The following PRDM5 variants were observed in gnomAD, a reference collection of about 807,000 sequenced individuals.
The protein encoded by PRDM5 is PR/SET domain 5, also known as PR domain zinc finger protein 5.
Under a neutral mutation model 81.2 loss-of-function variants are expected in PRDM5, and 56 were observed. That is an observed-to-expected ratio of 0.69 (90% CI 0.56 to 0.86). The LOEUF (loss-of-function observed/expected upper bound fraction) is 0.86, where lower values mean the gene tolerates loss of function less well. Among genes scored for constraint, PRDM5 ranks in the 40% least tolerant of loss-of-function variants. PRDM5 has a pLI of 0.00. For synonymous variants in PRDM5, 267 were observed against 256.4 expected, an observed-to-expected ratio of 1.04 and a Z score of -0.39; for missense variants, 697 against 770.1, an observed-to-expected ratio of 0.91 and a Z score of 1.12.
Position 120,742,273 on chromosome 4 carries a change from A to G in PRDM5, c.1623+12280T>C, listed in dbSNP as rs1204082003. Among the ~76,000 whole-genome samples the G allele has an allele frequency of 5.9e-5, 9 of 152,328 alleles. No homozygotes were observed. In the East Asian group the frequency reaches 1.5e-3, roughly 26 times the overall value. ...GAAAGGACATCCACACCAAAAACCC[A>G]TCTGTACATCACCATCATCAAAGAC... is the stretch of plus-strand genomic sequence containing the variant. On this transcript the variant is annotated intron_variant, in intron 14 of 15. Transcript: ENST00000264808.
chr4:120,688,105 C>T (rs138505436), downstream of PRDM5, among the ~76,000 whole-genome samples: 40 of 152,184 alleles, frequency 2.6e-4, no homozygotes, highest in East Asian at 7.1e-3. Context: ...CTATAGTGCA[C>T]AGTGCTTTCC....
intron 15 of PRDM5, 89 bp downstream of exon 15, chr4:120,710,210 CACACACACAG>C: frequency 1.9e-6 from 2 of 1,027,166 alleles, no homozygotes; most frequent in Non-Finnish European, 3.0e-6. Context: ...CAATGCAACA[CACACACACAG>C]ACACACACAC....
At chr4:120,775,443 C>A (rs1009683474) in intron 13 of PRDM5, among the ~76,000 whole-genome samples, 3 of 152,062 alleles carry the variant, frequency 2.0e-5, no homozygotes, top group African/African-American at 7.2e-5. Context: ...ATACAATATC[C>A]TCAAGGATGG....
At chr4:120,892,497 T>C (rs1447899903) in intron 2 of PRDM5, among the ~76,000 whole-genome samples, 1 of 152,166 alleles carries the variant, frequency 6.6e-6, no homozygotes, top group Non-Finnish European at 1.5e-5. Flanking sequence ...ATGTTCCTGG[T>C]GTTGAGTGTT....
At chr4:120,883,436 T>C (rs889832152) in intron 2 of PRDM5, among the ~76,000 whole-genome samples, 3 of 152,172 alleles carry the variant, frequency 2.0e-5, no homozygotes, top group African/African-American at 7.2e-5. Context: ...ACAAAAATTT[T>C]CTGCACTGCT....
intron 14 of PRDM5, among the ~76,000 whole-genome samples, chr4:120,753,705 GA>G (rs551796879): frequency 7.6e-4 from 111 of 146,650 alleles, no homozygotes; most frequent in African/African-American, 2.5e-3. Flanking sequence ...CTTAAAATTT[GA>G]AAAAAAAAAT....
chr4:120,768,063 G>A (rs185373081), intron 13 of PRDM5, among the ~76,000 whole-genome samples: 2 of 152,114 alleles, frequency 1.3e-5, no homozygotes, highest in African/African-American at 4.8e-5. Flanking sequence ...ATAGCAGGGT[G>A]AGAACAGACT....
At chr4:120,832,402 T>C (rs1438161573) in intron 3 of PRDM5, among the ~76,000 whole-genome samples, 2 of 152,120 alleles carry the variant, frequency 1.3e-5, no homozygotes, top group African/African-American at 4.8e-5. Context: ...ACATGAGGAT[T>C]ATGGGAACTA....
chr4:120,779,566 G>A (rs1456784628), intron 12 of PRDM5, among the ~76,000 whole-genome samples: 1 of 152,088 alleles, frequency 6.6e-6, no homozygotes, highest in East Asian at 1.9e-4. Context: ...GAACCCATAT[G>A]CCCTAGATGT....
chr4:120,792,079 C>T (rs1750660255), intron 10 of PRDM5, among the ~76,000 whole-genome samples: 1 of 152,308 alleles, frequency 6.6e-6, no homozygotes, highest in Non-Finnish European at 1.5e-5. Flanking sequence ...CCCACCATCT[C>T]ATCTCTAATC....
chr4:120,698,427 CCTAA>C (rs1734842335), intron 15 of PRDM5, among the ~76,000 whole-genome samples: 1 of 152,188 alleles, frequency 6.6e-6, no homozygotes, highest in South Asian at 2.1e-4. Flanking sequence ...CTTCCTCCAT[CCTAA>C]CTAAGTCAGT....
intron 8 of PRDM5, among the ~76,000 whole-genome samples, chr4:120,805,616 A>G (rs1752798562): frequency 6.6e-6 from 1 of 152,226 alleles, no homozygotes; most frequent in Admixed American, 6.5e-5. Context: ...GATTATCTCA[A>G]TAGATACAGA....
chr4:120,848,807 C>A (rs1194717256), intron 3 of PRDM5, among the ~76,000 whole-genome samples: 2 of 152,126 alleles, frequency 1.3e-5, no homozygotes, highest in African/African-American at 2.4e-5. Flanking sequence ...TAAAAACTCA[C>A]GGGACCAATT....
chr4:120,784,988 C>A lies in PRDM5; in HGVS notation c.1282+10G>T. 1 of 1,570,912 alleles carries A rather than the reference C, an allele frequency of 6.4e-7. No homozygotes were observed. Among genetic ancestry groups the A allele is most frequent in the Non-Finnish European group, 8.8e-7 (1 of 1,140,972 alleles). ...TCCTTATATTCTCAACTGCCTGAAT[C>A]GTGACTTACTGTTATGTATTAGCAG... On this transcript the variant is annotated intron_variant, in intron 11 of 15. Coordinates refer to ENST00000264808, the MANE Select transcript of PRDM5 (RefSeq NM_018699.4).
intron 15 of PRDM5, among the ~76,000 whole-genome samples, chr4:120,704,435 T>C (rs1735816254): frequency 6.6e-6 from 1 of 152,222 alleles, no homozygotes; most frequent in African/African-American, 2.4e-5. Flanking sequence ...ACTTTCACCC[T>C]ACTCCAACTT....
intron 1 of PRDM5, among the ~76,000 whole-genome samples, chr4:120,910,066 GC>G (rs899150079): frequency 7.7e-5 from 2 of 25,990 alleles, no homozygotes; most frequent in African/African-American, 2.5e-4. Context: ...TATTTCATAT[GC>G]TTTAAAAAAA....
At chr4:120,785,257 C>T (rs563924547) in intron 10 of PRDM5, among the ~76,000 whole-genome samples, 166 bp from the exon 11 acceptor site, 6 of 152,162 alleles carry the variant, frequency 3.9e-5, no homozygotes, top group African/African-American at 4.8e-5. Flanking sequence ...GACAAATGTG[C>T]TGTGTTTGCA....
At chr4:120,857,119 G>A (rs1481246458) in intron 2 of PRDM5, among the ~76,000 whole-genome samples, 1 of 152,202 alleles carries the variant, frequency 6.6e-6, no homozygotes, top group Non-Finnish European at 1.5e-5. Flanking sequence ...ACTTCAGGAG[G>A]ACAAGGTGGG....
intron 2 of PRDM5, among the ~76,000 whole-genome samples, chr4:120,872,341 T>C (rs1162808376): frequency 1.3e-5 from 2 of 151,922 alleles, no homozygotes; most frequent in Admixed American, 1.3e-4. Flanking sequence ...ATGTGGTATA[T>C]ACACACGAGG....
Sources: gnomAD v4.1 joint callset for allele counts (sites outside exome capture counted in the v4.1 genomes callset) on GRCh38, gnomAD v4.1.1 for gene constraint, MANE v1.5 for transcripts, NCBI Gene and HGNC (gene_info 2026-07-23, HGNC 2026-07-21) for gene names.